Variants in GPC5 observed in about 807,000 individuals in gnomAD.
The protein encoded by GPC5 is glypican-5.
In GPC5, 47 loss-of-function variants were observed where a neutral mutation model predicts 53.9. The observed-to-expected ratio is 0.87, with a 90% CI of 0.69 to 1.11. The LOEUF is 1.11. Ranked by LOEUF, GPC5 falls within the 50% of genes most tolerant of loss-of-function variation. The pLI is 0.00. For synonymous variants in GPC5, 286 were observed against 263.3 expected, an observed-to-expected ratio of 1.09 and a Z score of -0.84; for missense variants, 748 against 713.1, an observed-to-expected ratio of 1.05 and a Z score of -0.56.
At chr13:92,103,145 A>G (rs975364588) in intron 6 of GPC5, among the ~76,000 whole-genome samples, 3 of 151,924 alleles carry the variant, frequency 2.0e-5, no homozygotes, top group Middle Eastern at 3.4e-3. Flanking sequence ...TATAGGTGTG[A>G]GCCACCACAT....
intron 6 of GPC5, among the ~76,000 whole-genome samples, chr13:92,047,747 G>T (rs1421137376): frequency 6.8e-6 from 1 of 147,258 alleles, no homozygotes; most frequent in Non-Finnish European, 1.5e-5. Flanking sequence ...AAGGCAGGCG[G>T]ATCATGAGGT....
At chr13:91,504,979 A>C (rs371717819) in intron 2 of GPC5, among the ~76,000 whole-genome samples, 1 of 152,188 alleles carries the variant, frequency 6.6e-6, no homozygotes, top group African/African-American at 2.4e-5. Flanking sequence ...GCAAACAACC[A>C]AACAGAAAAC....
intron 6 of GPC5, among the ~76,000 whole-genome samples, chr13:92,001,524 A>G (rs1838310095): frequency 6.6e-6 from 1 of 152,192 alleles, no homozygotes; most frequent in Non-Finnish European, 1.5e-5. Flanking sequence ...AATCCACTAG[A>G]TAATATAAGT....
intron 7 of GPC5, among the ~76,000 whole-genome samples, chr13:92,524,598 A>G (rs1272617937): frequency 2.0e-5 from 3 of 152,254 alleles, no homozygotes; most frequent in East Asian, 1.9e-4. Flanking sequence ...CTAAAGTCAC[A>G]TTAGACTTCT....
intron 5 of GPC5, among the ~76,000 whole-genome samples, chr13:91,769,485 T>G (rs1473872403): frequency 6.6e-6 from 1 of 152,196 alleles, no homozygotes; most frequent in Non-Finnish European, 1.5e-5. Flanking sequence ...AAGGGCATGT[T>G]AGATTGAGTA....
chr13:91,597,997 A>G (rs78549638), intron 2 of GPC5, among the ~76,000 whole-genome samples: 5,698 of 152,184 alleles, frequency 0.037, 356 homozygotes, highest in African/African-American at 0.13. Context: ...ACTTTGTAAA[A>G]AACATCAGAA....
intron 6 of GPC5, among the ~76,000 whole-genome samples, chr13:91,976,251 A>G (rs1594700451): frequency 1.3e-5 from 2 of 152,336 alleles, no homozygotes; most frequent in East Asian, 3.9e-4. Flanking sequence ...GTGCACATGT[A>G]CCCTAAACTT....
At chr13:91,838,075 G>A (rs1367685722) in intron 5 of GPC5, among the ~76,000 whole-genome samples, 1 of 152,108 alleles carries the variant, frequency 6.6e-6, no homozygotes, top group Non-Finnish European at 1.5e-5. Context: ...CAATCATCAG[G>A]CATATTTAAG....
At chr13:92,557,870 G>T (rs1882552687) in intron 7 of GPC5, among the ~76,000 whole-genome samples, 1 of 151,968 alleles carries the variant, frequency 6.6e-6, no homozygotes, top group Admixed American at 6.6e-5. Context: ...CTCTCAGAGA[G>T]CTGGGACTCT....
chr13:92,138,116 T>G (rs1375779485), intron 6 of GPC5, among the ~76,000 whole-genome samples: 1 of 152,174 alleles, frequency 6.6e-6, no homozygotes, highest in Non-Finnish European at 1.5e-5. Flanking sequence ...AAAATCATCT[T>G]GTATGAATAT....
chr13:92,423,838 T>G (rs1876698037), intron 7 of GPC5, among the ~76,000 whole-genome samples: 1 of 152,134 alleles, frequency 6.6e-6, no homozygotes, highest in Non-Finnish European at 1.5e-5. Context: ...TGCTAGAAGA[T>G]TGCTCAGACA....
chr13:91,598,946 A>G (rs2139213046), intron 2 of GPC5, among the ~76,000 whole-genome samples: 1 of 152,242 alleles, frequency 6.6e-6, no homozygotes, highest in South Asian at 2.1e-4. Context: ...TATATGATCT[A>G]CTAGTATAAA....
At chr13:92,704,027 A>T (rs1484665826) in intron 7 of GPC5, among the ~76,000 whole-genome samples, 1 of 152,076 alleles carries the variant, frequency 6.6e-6, no homozygotes, top group Non-Finnish European at 1.5e-5. Flanking sequence ...TATTATCCTC[A>T]TTGGAAATAA....
intron 7 of GPC5, among the ~76,000 whole-genome samples, chr13:92,707,244 C>T (rs1197925342): frequency 6.6e-6 from 1 of 152,142 alleles, no homozygotes; most frequent in Non-Finnish European, 1.5e-5. Flanking sequence ...ATTCTACTAC[C>T]ATGCTACAAA....
chr13:92,614,355 A>G (rs1225640828), intron 7 of GPC5, among the ~76,000 whole-genome samples: 1 of 152,208 alleles, frequency 6.6e-6, no homozygotes, highest in Admixed American at 6.5e-5. Context: ...TAAAACAAAA[A>G]TATCCTAAGT....
intron 7 of GPC5, among the ~76,000 whole-genome samples, chr13:92,517,240 C>T (rs910386751): frequency 6.6e-6 from 1 of 152,226 alleles, no homozygotes; most frequent in South Asian, 2.1e-4. Flanking sequence ...TCTGTAGACT[C>T]CACCTCTGGG....
intron 1 of GPC5, among the ~76,000 whole-genome samples, chr13:91,426,756 A>G (rs1879084848): frequency 6.6e-6 from 1 of 152,186 alleles, no homozygotes; most frequent in Admixed American, 6.5e-5. Flanking sequence ...CTGGCAGCTG[A>G]TTAGATGGTG....
At chr13:92,754,282 G>C (rs1170628156) in intron 7 of GPC5, among the ~76,000 whole-genome samples, 1 of 152,152 alleles carries the variant, frequency 6.6e-6, no homozygotes, top group Admixed American at 6.5e-5. Flanking sequence ...CAAATGCTGA[G>C]AGATTTTCTC....
intron 7 of GPC5, among the ~76,000 whole-genome samples, chr13:92,312,253 C>A (rs2043149902): frequency 6.6e-6 from 1 of 152,058 alleles, no homozygotes; most frequent in Non-Finnish European, 1.5e-5. Context: ...TTTCTTTTCA[C>A]TTTTCTCTTT....
Sources: allele counts gnomAD v4.1 joint callset (sites outside exome capture counted in the v4.1 genomes callset), GRCh38; gene constraint gnomAD v4.1.1; transcripts MANE v1.5; gene names NCBI Gene and HGNC (gene_info 2026-07-23, HGNC 2026-07-21).